The following APMAP variants were observed in gnomAD, a reference collection of about 807,000 sequenced individuals.
The protein encoded by APMAP is adipocyte plasma membrane associated protein, also known as adipocyte plasma membrane-associated protein.
APMAP carries 33 observed loss-of-function variants against 43.6 expected under a neutral mutation model. The ratio of observed to expected loss-of-function variants is 0.76; its 90% CI spans 0.57 to 1.01. The LOEUF (loss-of-function observed/expected upper bound fraction) is 1.01. Ranked by LOEUF, APMAP falls within the 50% of genes least tolerant of loss-of-function variation. APMAP has a pLI of 0.00. For missense variants in APMAP, 498 were observed against 540.7 expected, an observed-to-expected ratio of 0.92 and a Z score of 0.78; for synonymous variants, 224 against 216.7, an observed-to-expected ratio of 1.03 and a Z score of -0.30.
intron 6 of APMAP, 63 bp from the exon 7 acceptor site, chr20:24,969,723 A>G: frequency 1.9e-6 from 3 of 1,558,224 alleles, no homozygotes; most frequent in Non-Finnish European, 2.6e-6. Flanking sequence ...CTGGGCCTTC[A>G]GGGTATGGGC....
chr20:24,971,358 T>C, intron 5 of APMAP, 102 bp downstream of exon 5: 1 of 1,040,596 alleles, frequency 9.6e-7, no homozygotes, highest in Middle Eastern at 3.1e-4. Context: ...TATCAGAGTC[T>C]TTAGTAGACT....
chr20:24,989,211 G>A (rs548049002), intron 1 of APMAP, among the ~76,000 whole-genome samples: 7 of 152,166 alleles, frequency 4.6e-5, no homozygotes, highest in Middle Eastern at 6.8e-3. Flanking sequence ...AGGAACGCTG[G>A]CAACTTAGTT....
chr20:24,977,243 G>A (rs1316725360), intron 3 of APMAP, among the ~76,000 whole-genome samples: 8 of 152,272 alleles, frequency 5.3e-5, no homozygotes, highest in Admixed American at 5.2e-4. Context: ...GGTGGGGGAT[G>A]TTGATCATGT....
At chr20:24,969,689 G>C (rs1405657303) in intron 6 of APMAP, 29 bp from the exon 7 acceptor site, 5 of 1,591,040 alleles carry the variant, frequency 3.1e-6, no homozygotes, top group Non-Finnish European at 4.3e-6. Flanking sequence ...AGAGGGTTAT[G>C]GGGGAGAATC....
chr20:24,963,897 G>C lies in APMAP; in HGVS notation c.1167C>G (p.Ser389Arg). Residue 389 changes from serine (S) to arginine (R), a missense_variant, in exon 9 of 9, where the codon AGC becomes AGG. By Grantham distance (110) the Ser-to-Arg change is moderately radical (BLOSUM62 -1). Transcript: ENST00000217456. ...DPDGLVATYI[S>R]EVHEHDGHLY... Reference sequence around the variant, plus strand: ...GGTGCCCATCGTGTTCGTGCACCTCGCTGATGTAGGTGGCCACCAGCCCAT... The same window carrying C: ...GGTGCCCATCGTGTTCGTGCACCTCCCTGATGTAGGTGGCCACCAGCCCAT... The C allele has an allele frequency of 6.2e-7, 1 of 1,614,232 alleles. No homozygotes were observed. The highest frequency in any genetic ancestry group is 8.5e-7 in the Non-Finnish European group (1 of 1,180,038).
At chr20:24,986,488 T>A (rs1215067509) in intron 1 of APMAP, among the ~76,000 whole-genome samples, 1 of 152,068 alleles carries the variant, frequency 6.6e-6, no homozygotes, top group Non-Finnish European at 1.5e-5. Context: ...GACCAAATAA[T>A]CTTCTTCTAA....
intron 1 of APMAP, among the ~76,000 whole-genome samples, chr20:24,987,118 T>C (rs148260654): frequency 6.6e-6 from 1 of 152,310 alleles, no homozygotes; most frequent in African/African-American, 2.4e-5. Context: ...CCCACTCATC[T>C]GGTTTTTTGT....
intron 1 of APMAP, among the ~76,000 whole-genome samples, chr20:24,989,326 C>A (rs541793878): frequency 4.6e-5 from 7 of 152,148 alleles, no homozygotes; most frequent in South Asian, 4.1e-4. Context: ...ATTGCCTACA[C>A]TCTCTGAAGG....
intron 6 of APMAP, 152 bp from the exon 7 acceptor site, chr20:24,969,812 T>A: frequency 9.3e-7 from 1 of 1,078,872 alleles, no homozygotes; most frequent in Non-Finnish European, 1.3e-6. Context: ...GGCTGGCCCC[T>A]GGGGGCCCTT....
chr20:24,987,581 CA>C (rs2122530932), intron 1 of APMAP, among the ~76,000 whole-genome samples: 1 of 152,196 alleles, frequency 6.6e-6, no homozygotes, highest in East Asian at 1.9e-4. Flanking sequence ...CACTAAATAT[CA>C]CTGAACTGTG....
At chr20:24,965,351 C>T (rs544354772) in intron 8 of APMAP, among the ~76,000 whole-genome samples, 1 of 152,412 alleles carries the variant, frequency 6.6e-6, no homozygotes, top group African/African-American at 2.4e-5. Flanking sequence ...CTGCTGCAAG[C>T]TGTTCTCCTT....
intron 1 of APMAP, among the ~76,000 whole-genome samples, chr20:24,987,536 CAG>C (rs972375437): frequency 4.6e-5 from 7 of 152,216 alleles, no homozygotes; most frequent in Admixed American, 3.9e-4. Context: ...GTTTTGAAAG[CAG>C]AGAGAGTTGG....
chr20:24,969,441 T>C, intron 7 of APMAP, 85 bp downstream of exon 7: 3 of 1,514,956 alleles, frequency 2.0e-6, no homozygotes, highest in Non-Finnish European at 2.7e-6. Context: ...CTCTGATTTC[T>C]GTCGATCCCA....
At chr20:24,964,049 G>T in intron 8 of APMAP, 27 bp from the exon 9 acceptor site, 6 of 1,610,274 alleles carry the variant, frequency 3.7e-6, no homozygotes, top group Non-Finnish European at 5.1e-6. Flanking sequence ...TGCAGGGAAA[G>T]TTCACCAGCT....
At chr20:24,967,432 C>T (rs1285101565) in intron 8 of APMAP, among the ~76,000 whole-genome samples, 1 of 152,254 alleles carries the variant, frequency 6.6e-6, no homozygotes, top group East Asian at 1.9e-4. Context: ...CATGTTCCCT[C>T]ATGCTTGCAG....
Position 24,971,475 on chromosome 20 carries a change from C to A in APMAP, c.523G>T (p.Val175Leu). Residue 175 changes from valine (V) to leucine (L), a missense_variant, in exon 5 of 9, where the codon GTA becomes TTA. Physicochemically the swap from Val to Leu is conservative, Grantham distance 32. Transcript: ENST00000217456. ...VADAYKGLFE[V>L]NPWKREVKLL... ...TGTCACATACGTTTCCAGGGATTTA[C>A]TTCAAATAGTCCCTTGTATGCATCG... The A allele has an allele frequency of 6.2e-7, 1 of 1,613,730 alleles. No individual in the cohort carries two copies. The highest frequency in any genetic ancestry group is 8.5e-7 in the Non-Finnish European group (1 of 1,179,638).
intron 2 of APMAP, among the ~76,000 whole-genome samples, chr20:24,982,840 C>G (rs560680166): frequency 1.3e-5 from 2 of 152,074 alleles, no homozygotes; most frequent in South Asian, 2.1e-4. Context: ...GACCCCCCCC[C>G]GCCACCCACC....
chr20:24,987,387 G>T (rs2088156683), intron 1 of APMAP, among the ~76,000 whole-genome samples: 1 of 152,176 alleles, frequency 6.6e-6, no homozygotes, highest in South Asian at 2.1e-4. Context: ...GCCTTCCAAA[G>T]TGCACCCTGA....
chr20:24,967,753 C>T (rs2087958483), intron 8 of APMAP, among the ~76,000 whole-genome samples: 1 of 152,346 alleles, frequency 6.6e-6, no homozygotes, highest in Middle Eastern at 3.4e-3. Flanking sequence ...GATCCCACAG[C>T]TGGTCTGGCA....
Sources: gnomAD v4.1 joint callset for allele counts (sites outside exome capture counted in the v4.1 genomes callset) on GRCh38, gnomAD v4.1.1 for gene constraint, MANE v1.5 for transcripts, NCBI Gene and HGNC (gene_info 2026-07-23, HGNC 2026-07-21) for gene names.